Variants in ARHGAP24 observed in about 807,000 individuals in gnomAD.
ARHGAP24 encodes the protein rho GTPase-activating protein 24.
ARHGAP24 carries 50 observed loss-of-function variants against 76.4 expected under a neutral mutation model. The observed-to-expected ratio is 0.65, with a 90% CI of 0.52 to 0.83. The LOEUF (loss-of-function observed/expected upper bound fraction) is 0.83, where lower values mean the gene tolerates loss of function less well. ARHGAP24 is among the 40% of genes least tolerant of loss of function. The probability of loss-of-function intolerance (pLI) is 0.00; values close to 1 mark genes in which losing one functional copy is unlikely to be tolerated. For synonymous variants in ARHGAP24, 345 were observed against 323.3 expected, an observed-to-expected ratio of 1.07 and a Z score of -0.72; for missense variants, 930 against 914.2, an observed-to-expected ratio of 1.02 and a Z score of -0.22.
intron 5 of ARHGAP24, among the ~76,000 whole-genome samples, chr4:85,967,772 G>A (rs1738714723): frequency 6.6e-6 from 1 of 152,110 alleles, no homozygotes; most frequent in Non-Finnish European, 1.5e-5. Flanking sequence ...TTAGCAAATA[G>A]TTTTGAACTT....
chr4:85,521,796 C>T (rs75478860), intron 1 of ARHGAP24, among the ~76,000 whole-genome samples: 1 of 152,238 alleles, frequency 6.6e-6, no homozygotes, highest in Non-Finnish European at 1.5e-5. Context: ...TCATAGGAAA[C>T]GTCACAGGAG....
At chr4:85,558,120 T>C (rs1322167752) in intron 1 of ARHGAP24, among the ~76,000 whole-genome samples, 1 of 152,098 alleles carries the variant, frequency 6.6e-6, no homozygotes, top group Non-Finnish European at 1.5e-5. Context: ...GAGTCACATG[T>C]CCATTTCCTG....
chr4:85,922,536 T>C (rs1271427087), intron 3 of ARHGAP24, among the ~76,000 whole-genome samples: 2 of 152,178 alleles, frequency 1.3e-5, no homozygotes, highest in East Asian at 3.8e-4. Flanking sequence ...GAAAATTAAA[T>C]GTTGATAGAT....
In ARHGAP24 at chr4:85,519,740, GA is replaced by G. The variant is rs374712840; in HGVS notation, c.-21+44182del. ...TGAAACTCGTGTCAGCTTGCTGTAG[GA>G]TTAAGGCACCATTCCATGTGTTAAA... is the stretch of plus-strand genomic sequence containing the variant. On this transcript the variant is annotated intron_variant, in intron 1 of 9. Coordinates refer to ENST00000395184, the MANE Select transcript of ARHGAP24 (RefSeq NM_001025616.3). Among the ~76,000 whole-genome samples the G allele has an allele frequency of 1.3e-4, 20 of 152,234 alleles. No individual in the cohort carries two copies. In the East Asian group the frequency reaches 3.7e-3, roughly 28 times the overall value.
chr4:85,841,142 C>G (rs1510584), intron 3 of ARHGAP24, among the ~76,000 whole-genome samples: 58,443 of 151,994 alleles, frequency 0.38, 11,322 homozygotes, highest in South Asian at 0.5. Context: ...TGCATTTGTA[C>G]TTTTTCAGAA....
rs1212957994 is a variant in ARHGAP24, at chr4:85,825,463, T to G, written c.269-98185T>G. 2.6e-5 allele frequency among the ~76,000 whole-genome samples: 4 copies of G among 152,220 alleles called. No individual in the cohort carries two copies. In the South Asian group the frequency reaches 8.3e-4, roughly 32 times the overall value. On this transcript the variant is annotated intron_variant, in intron 3 of 9. Coordinates refer to ENST00000395184, the MANE Select transcript of ARHGAP24 (RefSeq NM_001025616.3). ...AGTTGAAAAAAAGTGTTCTGCTACA[T>G]CGAAGGTCAAGAGATTGCCTTGCTT...
chr4:85,901,838 T>C (rs1239930215), intron 3 of ARHGAP24, among the ~76,000 whole-genome samples: 4 of 152,148 alleles, frequency 2.6e-5, no homozygotes, highest in Non-Finnish European at 5.9e-5. Context: ...CTTTAAGTTC[T>C]GGATACATGT....
At chr4:85,869,324 A>G (rs1732394969) in intron 3 of ARHGAP24, among the ~76,000 whole-genome samples, 1 of 152,186 alleles carries the variant, frequency 6.6e-6, no homozygotes, top group Non-Finnish European at 1.5e-5. Context: ...ATGGTTGTTG[A>G]TGCATCCAGC....
intron 2 of ARHGAP24, among the ~76,000 whole-genome samples, chr4:85,652,627 C>T (rs1721987067): frequency 2.0e-5 from 3 of 152,184 alleles, no homozygotes; most frequent in Admixed American, 2.0e-4. Flanking sequence ...AGAGCCAGTT[C>T]TTATAGACAT....
intron 1 of ARHGAP24, among the ~76,000 whole-genome samples, chr4:85,513,394 G>T (rs892342571): frequency 2.0e-5 from 3 of 152,106 alleles, no homozygotes; most frequent in African/African-American, 7.2e-5. Flanking sequence ...GTCCTTTTTG[G>T]CCCCTGGGAG....
chr4:85,932,295 G>T (rs1578402709), intron 4 of ARHGAP24, among the ~76,000 whole-genome samples: 1 of 152,162 alleles, frequency 6.6e-6, no homozygotes, highest in Non-Finnish European at 1.5e-5. Flanking sequence ...GGGACAAATT[G>T]CTTAAAGGAT....
intron 3 of ARHGAP24, among the ~76,000 whole-genome samples, chr4:85,908,663 G>C (rs1734906820): frequency 6.6e-6 from 1 of 152,050 alleles, no homozygotes; most frequent in African/African-American, 2.4e-5. Context: ...AATAGTGAAG[G>C]AGATTTTCCA....
At chr4:85,724,415 G>A (rs1725079203) in intron 3 of ARHGAP24, among the ~76,000 whole-genome samples, 1 of 150,578 alleles carries the variant, frequency 6.6e-6, no homozygotes, top group Non-Finnish European at 1.5e-5. Context: ...ATATGCATAC[G>A]TACACATTTG....
chr4:85,692,009 G>T (rs894404205), intron 2 of ARHGAP24, among the ~76,000 whole-genome samples: 1 of 152,142 alleles, frequency 6.6e-6, no homozygotes, highest in Non-Finnish European at 1.5e-5. Flanking sequence ...AGGACTTCTC[G>T]TAAGGCTAGT....
chr4:85,671,412 A>T (rs1278169394), intron 2 of ARHGAP24, among the ~76,000 whole-genome samples: 3 of 152,190 alleles, frequency 2.0e-5, no homozygotes, highest in Non-Finnish European at 4.4e-5. Flanking sequence ...AAATCAAATG[A>T]ATATTTAGAT....
At chr4:85,698,380 G>C (rs1370885443) in intron 2 of ARHGAP24, among the ~76,000 whole-genome samples, 1 of 152,166 alleles carries the variant, frequency 6.6e-6, no homozygotes, top group Non-Finnish European at 1.5e-5. Context: ...AAAGTGGGCA[G>C]ATCCAGAAAT....
intron 3 of ARHGAP24, among the ~76,000 whole-genome samples, chr4:85,894,218 G>A (rs1734009485): frequency 6.6e-6 from 1 of 152,028 alleles, no homozygotes; most frequent in African/African-American, 2.4e-5. Flanking sequence ...CATCTGGATG[G>A]CAAAAGAGAG....
intron 1 of ARHGAP24, among the ~76,000 whole-genome samples, chr4:85,514,287 A>G (rs1483570476): frequency 6.6e-6 from 1 of 152,068 alleles, no homozygotes; most frequent in African/African-American, 2.4e-5. Flanking sequence ...AGCACCCTTG[A>G]TTGGTGTTAT....
intron 2 of ARHGAP24, among the ~76,000 whole-genome samples, chr4:85,677,027 C>T (rs1157161209): frequency 6.6e-6 from 1 of 152,076 alleles, no homozygotes; most frequent in East Asian, 1.9e-4. Flanking sequence ...CCAACGGGGG[C>T]AGAGCAGAGC....
Sources: allele counts gnomAD v4.1 joint callset (sites outside exome capture counted in the v4.1 genomes callset), GRCh38; gene constraint gnomAD v4.1.1; transcripts MANE v1.5; gene names NCBI Gene and HGNC (gene_info 2026-07-23, HGNC 2026-07-21).